Variants in INPP5A observed in about 807,000 individuals in gnomAD.
INPP5A encodes inositol polyphosphate-5-phosphatase A.
A neutral mutation model predicts 65.2 loss-of-function variants in INPP5A; 14 were observed. The observed-to-expected ratio is 0.21, with a 90% CI of 0.14 to 0.34. The LOEUF (loss-of-function observed/expected upper bound fraction) is 0.34. Among genes scored for constraint, INPP5A ranks in the 10% least tolerant of loss-of-function variants. The probability of loss-of-function intolerance (pLI) is 1.00; values close to 1 mark genes in which losing one functional copy is unlikely to be tolerated. For synonymous variants in INPP5A, 207 were observed against 208.3 expected (o/e 0.99, Z 0.05); for missense variants, 431 against 545.6 (o/e 0.79, Z 2.09).
intron 13 of INPP5A, among the ~76,000 whole-genome samples, chr10:132,778,076 C>A (rs1457828086): frequency 6.6e-6 from 1 of 152,196 alleles, no homozygotes; most frequent in Admixed American, 6.5e-5. Flanking sequence ...GTTTTCAAAT[C>A]GTGGTTCATT....
At chr10:132,657,067 G>C (rs1217676493) in intron 4 of INPP5A, among the ~76,000 whole-genome samples, 2 of 152,208 alleles carry the variant, frequency 1.3e-5, no homozygotes, top group Non-Finnish European at 2.9e-5. Context: ...GGAGACCTCC[G>C]TGTGGAGTAG....
intron 1 of INPP5A, among the ~76,000 whole-genome samples, chr10:132,599,889 C>T (rs1243156737): frequency 6.6e-6 from 1 of 152,234 alleles, no homozygotes; most frequent in African/African-American, 2.4e-5. Context: ...TGTATGTTGG[C>T]CCCTTTTAGC....
chr10:132,754,148 C>T (rs1429540627), intron 11 of INPP5A, among the ~76,000 whole-genome samples: 1 of 152,218 alleles, frequency 6.6e-6, no homozygotes, highest in Non-Finnish European at 1.5e-5. Context: ...CCAGGACCCT[C>T]CCGCCACACA....
intron 11 of INPP5A, among the ~76,000 whole-genome samples, chr10:132,751,718 G>A (rs1333762709): frequency 2.0e-5 from 3 of 149,830 alleles, no homozygotes; most frequent in Admixed American, 6.6e-5. Flanking sequence ...CCCAGGAGGT[G>A]TCTGGGTGCA....
Position 132,551,391 on chromosome 10 carries a change from G to A in INPP5A, c.75+13220G>A, listed in dbSNP as rs901357109. On this transcript the variant is annotated intron_variant, in intron 1 of 15. Coordinates refer to ENST00000368594, the MANE Select transcript of INPP5A (RefSeq NM_005539.5). The surrounding 1 kb of genome is among the most constrained non-coding windows in gnomAD (Gnocchi z 5.3). ...GCCAGCCCACCGTCATCTGCCTGCAGCGTCCCTCCAGGTGGTCGGGGGACA... is the reference window on the plus strand; with the variant it reads ...GCCAGCCCACCGTCATCTGCCTGCAACGTCCCTCCAGGTGGTCGGGGGACA... Among the ~76,000 whole-genome samples the A allele has an allele frequency of 1.1e-4, 17 of 152,196 alleles. No homozygotes were observed. Among genetic ancestry groups the A allele is most frequent in the African/African-American group, 3.9e-4 (16 of 41,448 alleles).
chr10:132,736,225 C>T (rs928660652), intron 9 of INPP5A, among the ~76,000 whole-genome samples: 1 of 152,224 alleles, frequency 6.6e-6, no homozygotes, highest in Non-Finnish European at 1.5e-5. Flanking sequence ...TGTTTCCTGC[C>T]TCGCGCGGTG....
intron 1 of INPP5A, among the ~76,000 whole-genome samples, chr10:132,586,467 C>T (rs531575705): frequency 2.6e-5 from 4 of 152,346 alleles, no homozygotes; most frequent in South Asian, 2.1e-4. Flanking sequence ...GGGCACGACA[C>T]GCCGTTCCCC....
intron 9 of INPP5A, among the ~76,000 whole-genome samples, chr10:132,746,638 A>G (rs1300096333): frequency 6.6e-6 from 1 of 152,242 alleles, no homozygotes; most frequent in Non-Finnish European, 1.5e-5. Flanking sequence ...ACCCTGGCAC[A>G]CAGCGTTCCC....
chr10:132,589,780 A>G (rs1189257182), intron 1 of INPP5A, among the ~76,000 whole-genome samples: 2 of 152,194 alleles, frequency 1.3e-5, no homozygotes, highest in Non-Finnish European at 2.9e-5. Flanking sequence ...GGACTCCAAG[A>G]GACGCTCCTG....
At position 132,550,956 on chromosome 10, in the gene INPP5A, G is replaced by A. The variant is rs113743706; in HGVS notation, c.75+12785G>A. ...CCTGGCCATCCTTGGGTGACAGTGG[G>A]CCATGTGGTGGGGACTCTGCAGGCC... On this transcript the variant is annotated intron_variant, in intron 1 of 15. Transcript: ENST00000368594. This position sits in a 1 kb window ranked among gnomAD's most constrained non-coding sequence, Gnocchi z 4.2. 0.02 allele frequency among the ~76,000 whole-genome samples: 3,104 copies of A among 152,310 alleles called. 96 individuals carry two copies. Among genetic ancestry groups the A allele is most frequent in the African/African-American group, 0.069 (2,870 of 41,542 alleles).
At chr10:132,543,101 A>G (rs1011662041) in intron 1 of INPP5A, among the ~76,000 whole-genome samples, 3 of 151,988 alleles carry the variant, frequency 2.0e-5, no homozygotes, top group Non-Finnish European at 4.4e-5. Flanking sequence ...GGGCCCTCAC[A>G]CCCAGCCCTT....
intron 9 of INPP5A, among the ~76,000 whole-genome samples, chr10:132,747,632 G>A (rs776479640): frequency 1.6e-4 from 24 of 152,244 alleles, no homozygotes; most frequent in Admixed American, 3.9e-4. Context: ...CCGGGGCACC[G>A]AGGTGCTCCT....
chr10:132,721,633 C>T (rs1032689260), intron 8 of INPP5A, among the ~76,000 whole-genome samples: 4 of 150,426 alleles, frequency 2.7e-5, no homozygotes, highest in Non-Finnish European at 5.9e-5. Flanking sequence ...AGACAGCTGT[C>T]TTCAGGGTTC....
intron 4 of INPP5A, among the ~76,000 whole-genome samples, chr10:132,668,838 G>A (rs552371999): frequency 4.4e-4 from 67 of 152,158 alleles, no homozygotes; most frequent in South Asian, 1.5e-3. Flanking sequence ...AAAAACTGCC[G>A]AGCTCCATCG....
In INPP5A at chr10:132,704,144, A is replaced by T. The variant is rs1325925040; in HGVS notation, c.475-4169A>T. Among the ~76,000 whole-genome samples the T allele has an allele frequency of 6.6e-6, 1 of 151,856 alleles. No individual in the cohort carries two copies. The highest frequency in any genetic ancestry group is 1.5e-5 in the Non-Finnish European group (1 of 67,948). ...AGGCCCCCCAGTCCCCCCAGACAGG[A>T]GGTGTCGAGGCACGGAAGATGAGCT... On this transcript the variant is annotated intron_variant, in intron 6 of 15. Coordinates refer to ENST00000368594, the MANE Select transcript of INPP5A (RefSeq NM_005539.5). The surrounding 1 kb of genome is among the most constrained non-coding windows in gnomAD (Gnocchi z 4.5).
At chr10:132,553,261 T>C (rs1244656458) in intron 1 of INPP5A, among the ~76,000 whole-genome samples, 44 of 76,458 alleles carry the variant, frequency 5.8e-4, no homozygotes, top group African/African-American at 6.9e-4. Context: ...GGAGGGAGGA[T>C]TGGTGAACGC....
At chr10:132,677,159 C>T (rs1433142387) in intron 4 of INPP5A, among the ~76,000 whole-genome samples, 4 of 152,244 alleles carry the variant, frequency 2.6e-5, no homozygotes. Context: ...CCTTTGATGC[C>T]TCCCTGAGGT....
intron 9 of INPP5A, among the ~76,000 whole-genome samples, chr10:132,739,698 GA>G (rs1227073352): frequency 6.6e-6 from 1 of 152,234 alleles, no homozygotes; most frequent in African/African-American, 2.4e-5. Flanking sequence ...TGTGCCATAG[GA>G]AAGGAGTCTG....
chr10:132,736,322 GCACACCA>G (rs998499275), intron 9 of INPP5A, among the ~76,000 whole-genome samples: 1 of 152,238 alleles, frequency 6.6e-6, no homozygotes, highest in Admixed American at 6.5e-5. Context: ...CGGCCCGACC[GCACACCA>G]CACCTGCCGT....
Sources: allele counts gnomAD v4.1 joint callset (sites outside exome capture counted in the v4.1 genomes callset), GRCh38; gene constraint gnomAD v4.1.1; non-coding constraint Gnocchi (gnomAD v3.1); transcripts MANE v1.5; gene names NCBI Gene and HGNC (gene_info 2026-07-23, HGNC 2026-07-21).